The following DSE variants were observed in gnomAD, a reference collection of about 807,000 sequenced individuals.
DSE encodes dermatan-sulfate epimerase.
Under a neutral mutation model 84.4 loss-of-function variants are expected in DSE, and 36 were observed. The observed-to-expected ratio is 0.43, with a 90% confidence interval of 0.33 to 0.56. The LOEUF (loss-of-function observed/expected upper bound fraction) is 0.56, where lower values mean the gene tolerates loss of function less well. Among genes scored for constraint, DSE ranks in the 20% least tolerant of loss-of-function variants. The probability of loss-of-function intolerance (pLI) is 0.06; values close to 1 mark genes in which losing one functional copy is unlikely to be tolerated. For missense variants in DSE, 862 were observed against 1,169.6 expected (o/e 0.74, Z 3.84); for synonymous variants, 410 against 430.1 (o/e 0.95, Z 0.58).
rs977539649 is a variant in DSE, at chr6:116,442,010, G to A, written c.*4665G>A. On this transcript the variant is annotated 3_prime_UTR_variant, in exon 6 of 6. Transcript: ENST00000644252. ...TGTGGAGAATAAAGCAAGGGGAGGG[G>A]ATGTAAGGTGATGGTGAATTGGTAC... The A allele has an allele frequency of 9.2e-5, 14 of 152,418 alleles. No individual in the cohort carries two copies. The highest frequency in any genetic ancestry group is 1.8e-4 in the Non-Finnish European group (12 of 68,092). The allele number at this position is 152,418 out of a possible 1,614,324, so 9.4% of individuals were successfully genotyped here.
chr6:116,436,661 T>A lies in DSE; in HGVS notation c.2193T>A (p.Ile731=), dbSNP rs1784177588. ...FDRNSAIKSS[I]VPEVKDYAAI... ...GGAATTCAGCCATCAAGAGCAGCAT[T>A]GTCCCTGAGGTGAAGGACTATGCTG... The change falls in exon 6 of 6, where the codon ATT becomes ATA. Residue 731 remains isoleucine, a synonymous_variant. Transcript: ENST00000644252. 1.9e-6 allele frequency: 3 copies of A among 1,614,184 alleles called. No homozygotes were observed. In the East Asian group the frequency reaches 6.7e-5, roughly 36 times the overall value.
At chr6:116,330,067 C>T (rs999845692) in intron 2 of DSE, among the ~76,000 whole-genome samples, 1 of 152,136 alleles carries the variant, frequency 6.6e-6, no homozygotes, top group Non-Finnish European at 1.5e-5. Flanking sequence ...TCAGGTGATC[C>T]ACCTGCCTCG....
At chr6:116,337,848 T>TA (rs1777343950) in intron 2 of DSE, among the ~76,000 whole-genome samples, 2 of 152,200 alleles carry the variant, frequency 1.3e-5, no homozygotes, top group African/African-American at 4.8e-5. Flanking sequence ...ATTTTGTTTT[T>TA]AAAAAATGGC....
chr6:116,375,320 A>C (rs991382070), intron 1 of DSE, among the ~76,000 whole-genome samples: 2 of 145,770 alleles, frequency 1.4e-5, no homozygotes, highest in Non-Finnish European at 3.0e-5. Flanking sequence ...TTTAAAAATT[A>C]AACTGTTCAT....
chr6:116,270,747 A>T (rs573235876), intron 2 of DSE, among the ~76,000 whole-genome samples: 3 of 152,350 alleles, frequency 2.0e-5, no homozygotes, highest in African/African-American at 7.2e-5. Context: ...AGATCAAGCT[A>T]TTCAAACTTA....
chr6:116,266,838 AT>A (rs1772648837), intron 2 of DSE, among the ~76,000 whole-genome samples: 1 of 152,238 alleles, frequency 6.6e-6, no homozygotes, highest in African/African-American at 2.4e-5. Context: ...AATACAGCAC[AT>A]ATCTAAAAAG....
upstream of DSE, among the ~76,000 whole-genome samples, chr6:116,369,667 T>C (rs1779386592): frequency 6.6e-6 from 1 of 152,210 alleles, no homozygotes; most frequent in Admixed American, 6.5e-5. Flanking sequence ...CATCAAGAAG[T>C]TTATGCAAAT....
intron 2 of DSE, among the ~76,000 whole-genome samples, chr6:116,424,534 T>A (rs1224159614): frequency 1.3e-5 from 2 of 152,170 alleles, no homozygotes; most frequent in Admixed American, 6.5e-5. Context: ...TGACAGTGAG[T>A]TACAGGTTTG....
At chr6:116,291,430 C>T (rs1201278668) in intron 2 of DSE, among the ~76,000 whole-genome samples, 1 of 151,176 alleles carries the variant, frequency 6.6e-6, no homozygotes, top group South Asian at 2.1e-4. Flanking sequence ...ACTAAAATAC[C>T]CTGAACAAAG....
chr6:116,344,642 A>G (rs1287923415), intron 2 of DSE, among the ~76,000 whole-genome samples: 2 of 152,230 alleles, frequency 1.3e-5, no homozygotes, highest in African/African-American at 4.8e-5. Flanking sequence ...AGCACTAACC[A>G]TGGAAAGGAA....
At chr6:116,370,197 T>C (rs184361765), upstream of DSE, 2 of 271,842 alleles carry the variant, frequency 7.4e-6, no homozygotes, top group Non-Finnish European at 1.5e-5. Context: ...TCTCTCTCTC[T>C]CACACACACA....
At chr6:116,412,954 G>A (rs1199310817) in intron 2 of DSE, 2 of 151,912 alleles carry the variant, frequency 1.3e-5, no homozygotes, top group Non-Finnish European at 2.9e-5. Flanking sequence ...CGGTATTGTG[G>A]TATTTGGTTT....
intron 1 of DSE, among the ~76,000 whole-genome samples, chr6:116,389,792 A>G (rs1780778712): frequency 6.6e-6 from 1 of 152,144 alleles, no homozygotes; most frequent in Non-Finnish European, 1.5e-5. Context: ...TGTCCTTCAG[A>G]CCATTACAGA....
intron 2 of DSE, among the ~76,000 whole-genome samples, chr6:116,424,917 G>A (rs895249353): frequency 6.6e-6 from 1 of 152,178 alleles, no homozygotes; most frequent in Non-Finnish European, 1.5e-5. Flanking sequence ...GTTTGTTTGA[G>A]AGAACTAATA....
intron 2 of DSE, among the ~76,000 whole-genome samples, chr6:116,293,804 C>T (rs1337602303): frequency 6.6e-6 from 1 of 151,710 alleles, no homozygotes; most frequent in Non-Finnish European, 1.5e-5. Flanking sequence ...TCACCTGAGC[C>T]AGGGAGATCA....
chr6:116,298,155 A>G (rs144756504), intron 2 of DSE, among the ~76,000 whole-genome samples: 1,871 of 152,294 alleles, frequency 0.012, 15 homozygotes, highest in Middle Eastern at 0.088. Context: ...CCAGTACCAA[A>G]TCTATAAATC....
chr6:116,267,915 C>T (rs1433225690), intron 2 of DSE, among the ~76,000 whole-genome samples: 1 of 152,034 alleles, frequency 6.6e-6, no homozygotes, highest in Non-Finnish European at 1.5e-5. Context: ...CTCATGAGAG[C>T]TCACTATAAA....
intron 2 of DSE, among the ~76,000 whole-genome samples, chr6:116,261,902 A>T (rs1772430821): frequency 6.6e-6 from 1 of 152,022 alleles, no homozygotes; most frequent in African/African-American, 2.4e-5. Flanking sequence ...TCACATCATT[A>T]ATTTGTGTTT....
chr6:116,352,977 T>C (rs1362541815), intron 2 of DSE, among the ~76,000 whole-genome samples: 1 of 152,236 alleles, frequency 6.6e-6, no homozygotes, highest in Admixed American at 6.5e-5. Context: ...GTGGAATGTG[T>C]TTGTCAGACA....
Sources: allele counts gnomAD v4.1 joint callset (sites outside exome capture counted in the v4.1 genomes callset), GRCh38; gene constraint gnomAD v4.1.1; transcripts MANE v1.5; gene names NCBI Gene and HGNC (gene_info 2026-07-23, HGNC 2026-07-21).